RNF216: variants seen among roughly 807,000 people sequenced by gnomAD.
RNF216 encodes E3 ubiquitin-protein ligase RNF216.
RNF216 carries 72 observed loss-of-function variants against 110.8 expected under a neutral mutation model. The ratio of observed to expected loss-of-function variants is 0.65; its 90% CI spans 0.54 to 0.79. The LOEUF (loss-of-function observed/expected upper bound fraction) is 0.79. RNF216 is among the 30% of genes least tolerant of loss of function. The pLI, the probability that RNF216 is intolerant of heterozygous loss-of-function variation, is 0.00. For missense variants in RNF216, 1,342 were observed against 1,141.2 expected (o/e 1.18, Z -2.54); for synonymous variants, 495 against 407.5 (o/e 1.21, Z -2.59).
rs533260445 is a variant in RNF216 at position 5,749,415 on chromosome 7, T to G, written c.201+3431A>C. Among the ~76,000 whole-genome samples, 38 of 152,288 alleles carry G rather than the reference T, an allele frequency of 2.5e-4. No individual in the cohort carries two copies. In the South Asian group the frequency reaches 7.5e-3, roughly 30 times the overall value. On this transcript the variant is annotated intron_variant, in intron 3 of 16. Coordinates refer to ENST00000389902, the MANE Select transcript of RNF216 (RefSeq NM_207111.4). Reference sequence around the variant, plus strand: ...ATCCACTCGCCTCGGCCTCCCAAAGTGCTGGGATTACAGGCGTGAGCCACC... The same window carrying G: ...ATCCACTCGCCTCGGCCTCCCAAAGGGCTGGGATTACAGGCGTGAGCCACC...
Position 5,622,799 on chromosome 7 carries a change from T to G in RNF216, c.*61A>C. On this transcript the variant is annotated 3_prime_UTR_variant, in exon 17 of 17. Coordinates refer to ENST00000389902, the MANE Select transcript of RNF216 (RefSeq NM_207111.4). ...TACAGACACCAGCCTTGGGGGAGGG[T>G]TCTCCATCCACACTCCTACCCCAAA... 1 of 1,464,776 alleles carries G rather than the reference T, an allele frequency of 6.8e-7. No homozygotes were observed. The highest frequency in any genetic ancestry group is 9.3e-7 in the Non-Finnish European group (1 of 1,080,780). 90.7% of individuals were successfully genotyped at this position (1,464,776 alleles called of 1,614,324 possible).
chr7:5,767,630 T>G (rs896599829), intron 1 of RNF216, among the ~76,000 whole-genome samples: 1 of 151,870 alleles, frequency 6.6e-6, no homozygotes, highest in African/African-American at 2.4e-5. Flanking sequence ...AGATGGAGTT[T>G]TGCTCTGCCA....
At chr7:5,644,511 A>ATT (rs577551076) in intron 14 of RNF216, among the ~76,000 whole-genome samples, 7 of 145,082 alleles carry the variant, frequency 4.8e-5, no homozygotes, top group East Asian at 4.0e-4. Flanking sequence ...TTGTTTGCCC[A>ATT]TTTTTTTTTT....
intron 2 of RNF216, among the ~76,000 whole-genome samples, chr7:5,754,716 C>G (rs947552620): frequency 6.6e-6 from 1 of 152,134 alleles, no homozygotes; most frequent in Non-Finnish European, 1.5e-5. Flanking sequence ...GACACACAAT[C>G]TTGGTGTACC....
chr7:5,741,802 T>A lies in RNF216; in HGVS notation c.215A>T (p.Gln72Leu), dbSNP rs773382254. The A allele has an allele frequency of 6.2e-7, 1 of 1,601,896 alleles. No individual in the cohort carries two copies. The highest frequency in any genetic ancestry group is 8.5e-7 in the Non-Finnish European group (1 of 1,176,192). The change falls in exon 4 of 17, where the codon CAG (glutamine) becomes CTG (leucine). Residue 72 changes from glutamine (Q) to leucine (L), a missense_variant. By Grantham distance (113) the Gln-to-Leu change is moderately radical (BLOSUM62 -2). Coordinates refer to ENST00000389902, the MANE Select transcript of RNF216 (RefSeq NM_207111.4). ...TTTGATGAGATTGGGTCGTGATCTC[T>A]GAGGTTTATTTGTCTAAGAAAAAAT... ...DVILTETNKP[Q>L]RSRPNLIKPA...
chr7:5,698,412 CACAT>C (rs1324093429), intron 13 of RNF216, among the ~76,000 whole-genome samples: 3 of 147,322 alleles, frequency 2.0e-5, no homozygotes, highest in Admixed American at 6.7e-5. Context: ...CACACACACA[CACAT>C]ACACACACAC....
intron 3 of RNF216, among the ~76,000 whole-genome samples, chr7:5,751,196 A>AC (rs1231001495): frequency 6.6e-6 from 1 of 152,150 alleles, no homozygotes; most frequent in Non-Finnish European, 1.5e-5. Context: ...AACAACAACA[A>AC]AAAAAAGTGT....
At chr7:5,706,134 C>T (rs1792272517) in intron 13 of RNF216, among the ~76,000 whole-genome samples, 1 of 150,004 alleles carries the variant, frequency 6.7e-6, no homozygotes. Context: ...GCAGGAGAAT[C>T]GCTTGCACCC....
At chr7:5,719,620 T>C (rs1279373634) in intron 9 of RNF216, among the ~76,000 whole-genome samples, 2 of 152,232 alleles carry the variant, frequency 1.3e-5, no homozygotes, top group South Asian at 2.1e-4. Flanking sequence ...GCCAATACTT[T>C]AAATACTTAT....
At chr7:5,764,898 T>C (rs574503610) in intron 1 of RNF216, among the ~76,000 whole-genome samples, 1 of 151,554 alleles carries the variant, frequency 6.6e-6, no homozygotes, top group Non-Finnish European at 1.5e-5. Flanking sequence ...TGAGACCCCA[T>C]CTCTACAAAA....
chr7:5,754,542 C>A (rs1337895983), intron 2 of RNF216, among the ~76,000 whole-genome samples: 2 of 151,964 alleles, frequency 1.3e-5, no homozygotes, highest in Non-Finnish European at 1.5e-5. Context: ...TATGGGGGAT[C>A]ATTCTGAAGA....
At chr7:5,738,087 C>CAAAAAAAAAA (rs200643372) in intron 5 of RNF216, among the ~76,000 whole-genome samples, 36 of 110,962 alleles carry the variant, frequency 3.2e-4, no homozygotes, top group African/African-American at 1.1e-3. Flanking sequence ...AGACTGTCTC[C>CAAAAAAAAAA]AAAAAAAAAA....
chr7:5,677,458 A>G (rs564563206), intron 13 of RNF216, among the ~76,000 whole-genome samples: 7 of 152,354 alleles, frequency 4.6e-5, no homozygotes, highest in Admixed American at 2.6e-4. Flanking sequence ...AAAAAGGAAA[A>G]CTAGAAGAAA....
intron 13 of RNF216, among the ~76,000 whole-genome samples, chr7:5,659,706 G>A (rs148416898): frequency 2.4e-4 from 36 of 152,206 alleles, no homozygotes; most frequent in African/African-American, 7.9e-4. Flanking sequence ...GAACAGGCTC[G>A]GAGTGTGGAT....
At chr7:5,718,551 T>C (rs977637755) in intron 9 of RNF216, among the ~76,000 whole-genome samples, 7 of 141,168 alleles carry the variant, frequency 5.0e-5, no homozygotes, top group Middle Eastern at 3.6e-3. Context: ...TAACCCACCC[T>C]TTTTTTTTTT....
At chr7:5,632,262 G>A (rs140149733) in intron 15 of RNF216, among the ~76,000 whole-genome samples, 72 of 152,348 alleles carry the variant, frequency 4.7e-4, no homozygotes, top group African/African-American at 1.6e-3. Flanking sequence ...AGACCATGGT[G>A]CATCCCCTCG....
At chr7:5,702,401 T>A (rs995556723) in intron 13 of RNF216, among the ~76,000 whole-genome samples, 13 of 152,210 alleles carry the variant, frequency 8.5e-5, no homozygotes, top group African/African-American at 3.1e-4. Context: ...AAATTTTTAT[T>A]CATATTGGCG....
chr7:5,652,441 T>C lies in RNF216; in HGVS notation c.2131A>G (p.Lys711Glu). ...GAGGTACGGTACTTGATGTCGTCTT[T>C]TTCAGCCAGCTCTTCACAGGTGAGG... is the stretch of plus-strand genomic sequence containing the variant. ...NGLTCEELAE[K>E]DDIKYRTSIE... Residue 711 changes from lysine to glutamate, a missense_variant, in exon 14 of 17, where the codon AAA (lysine) becomes GAA (glutamate). Physicochemically the swap from Lys to Glu is moderately conservative, Grantham distance 56. Transcript: ENST00000389902. 1 of 1,613,786 alleles carries C rather than the reference T, an allele frequency of 6.2e-7. No homozygotes were observed. Among genetic ancestry groups the C allele is most frequent in the Non-Finnish European group, 8.5e-7 (1 of 1,179,706 alleles).
Position 5,622,710 on chromosome 7 carries a change from C to T in RNF216, c.*150G>A. On this transcript the variant is annotated 3_prime_UTR_variant, in exon 17 of 17. Transcript: ENST00000389902. ...CCGTCCACTCTTCCAGGAGCAGTAG[C>T]CCTTCTAGGAAAGGGGTGGGAAGAA... is the stretch of plus-strand genomic sequence containing the variant. The T allele has an allele frequency of 2.7e-6, 2 of 739,474 alleles. No homozygotes were observed. Among genetic ancestry groups the T allele is most frequent in the Non-Finnish European group, 4.4e-6 (2 of 449,610 alleles). The allele number at this position is 739,474 out of a possible 1,614,324, so 45.8% of individuals were successfully genotyped here. A position where few individuals can be genotyped will look rare whatever the true frequency, so the allele number is the denominator to read the frequency against.
Sources: allele counts gnomAD v4.1 joint callset (sites outside exome capture counted in the v4.1 genomes callset), GRCh38; gene constraint gnomAD v4.1.1; transcripts MANE v1.5; gene names NCBI Gene and HGNC (gene_info 2026-07-23, HGNC 2026-07-21).